Variants in REL observed in about 807,000 individuals in gnomAD.
The protein encoded by REL is proto-oncogene c-Rel.
REL carries 15 observed loss-of-function variants against 45.9 expected under a neutral mutation model. The observed-to-expected ratio is 0.33, with a 90% CI of 0.22 to 0.50. The LOEUF is 0.50. Ranked by LOEUF, REL falls within the 20% of genes least tolerant of loss-of-function variation. The pLI, the probability that REL is intolerant of heterozygous loss-of-function variation, is 0.98. For missense variants in REL, 601 were observed against 715.2 expected (o/e 0.84, Z 1.82); for synonymous variants, 239 against 242.1 (o/e 0.99, Z 0.12).
intron 1 of REL, among the ~76,000 whole-genome samples, chr2:60,888,962 CT>C (rs1673137481): frequency 6.6e-6 from 1 of 152,154 alleles, no homozygotes; most frequent in Non-Finnish European, 1.5e-5. Context: ...ACATTGCTTT[CT>C]TTTTTCTATC....
chr2:60,887,486 C>T (rs578253273), intron 1 of REL, among the ~76,000 whole-genome samples: 1 of 152,002 alleles, frequency 6.6e-6, no homozygotes, highest in East Asian at 2.0e-4. Flanking sequence ...ATGAGTTAAA[C>T]ACAATTTCTG....
chr2:60,921,929 C>T lies in REL; in HGVS notation c.1158C>T (p.Pro386=). Reference sequence around the variant, plus strand: ...CAAGCTGGTCATCAGTGGCCCACCCCACCCCACGCTCAGGCAATACAAACC... The same window carrying T: ...CAAGCTGGTCATCAGTGGCCCACCCTACCCCACGCTCAGGCAATACAAACC... ...PSSSWSSVAH[P]TPRSGNTNPL... The change falls in exon 10 of 10, where the codon CCC becomes CCT. Residue 386 remains proline (P), a synonymous_variant. Coordinates refer to ENST00000394479, the MANE Select transcript of REL (RefSeq NM_001291746.2). 1 of 1,614,136 alleles carries T rather than the reference C, an allele frequency of 6.2e-7. No individual in the cohort carries two copies. The highest frequency in any genetic ancestry group is 1.1e-5 in the South Asian group (1 of 91,076).
Position 60,918,399 on chromosome 2 carries a change from A to G in REL, c.646A>G (p.Ile216Val), listed in dbSNP as rs1472253129. 1.9e-6 allele frequency: 3 copies of G among 1,612,652 alleles called. No homozygotes were observed. Among genetic ancestry groups the G allele is most frequent in the Admixed American group, 3.3e-5 (2 of 59,842 alleles). The stretch of plus-strand genomic sequence containing the variant: ...TTTGGTTTCTTATTGACTAGATGAC[A>G]TAGAAGTTCGTTTTGTGTTGAACGA... ...LLCDKVQKDDIEVRFVLNDWE... is the reference protein window; with the variant it reads ...LLCDKVQKDDVEVRFVLNDWE... Residue 216 changes from isoleucine (I) to valine (V), a missense_variant, in exon 7 of 10, where the codon ATA (isoleucine) becomes GTA (valine). Physicochemically the swap from Ile to Val is conservative, Grantham distance 29. Transcript: ENST00000394479.
chr2:60,884,988 G>T (rs896341345), intron 1 of REL, among the ~76,000 whole-genome samples: 1 of 152,112 alleles, frequency 6.6e-6, no homozygotes, highest in Non-Finnish European at 1.5e-5. Context: ...ACATGAGCAT[G>T]AATGTTTCAG....
intron 4 of REL, among the ~76,000 whole-genome samples, chr2:60,903,172 G>A (rs1048307822): frequency 1.3e-5 from 2 of 152,176 alleles, no homozygotes; most frequent in Admixed American, 6.5e-5. Context: ...GGGAGTAAAC[G>A]TTAGTGCTTT....
At chr2:60,885,790 T>C (rs1673057908) in intron 1 of REL, among the ~76,000 whole-genome samples, 1 of 152,208 alleles carries the variant, frequency 6.6e-6, no homozygotes, top group Non-Finnish European at 1.5e-5. Context: ...AGACATGCAG[T>C]CTAGTCAGCT....
At chr2:60,891,957 T>C (rs1673226700) in intron 2 of REL, 132 bp downstream of exon 2, 4 of 870,124 alleles carry the variant, frequency 4.6e-6, no homozygotes, top group Non-Finnish European at 6.7e-6. Context: ...CCTTTTTTTT[T>C]TTAAACGGAT....
intron 4 of REL, among the ~76,000 whole-genome samples, chr2:60,907,974 G>A (rs951017645): frequency 2.0e-5 from 3 of 151,924 alleles, no homozygotes; most frequent in Non-Finnish European, 1.5e-5. Flanking sequence ...TTACAGGCTT[G>A]AGCCACCACG....
rs1674175762 is a variant in REL, at chr2:60,922,616, A to C, written c.*81A>C. The C allele has an allele frequency of 7.0e-7, 1 of 1,424,240 alleles. No homozygotes were observed. The highest frequency in any genetic ancestry group is 2.7e-5 in the Admixed American group (1 of 37,094). The allele number at this position is 1,424,240 out of a possible 1,614,324, so 88.2% of individuals were successfully genotyped here. ...TTGTATTTGTCTAACTGGGGATATA[A>C]TACTATATTTATACTGTATATATAA... On this transcript the variant is annotated 3_prime_UTR_variant, in exon 10 of 10. Coordinates refer to ENST00000394479, the MANE Select transcript of REL (RefSeq NM_001291746.2).
intron 4 of REL, among the ~76,000 whole-genome samples, chr2:60,905,818 A>G (rs1673630983): frequency 1.3e-5 from 2 of 152,190 alleles, no homozygotes; most frequent in African/African-American, 2.4e-5. Flanking sequence ...AAACATCTAG[A>G]TCAGTATTTC....
intron 4 of REL, among the ~76,000 whole-genome samples, chr2:60,907,974 G>C (rs951017645): frequency 2.0e-5 from 3 of 151,924 alleles, no homozygotes; most frequent in African/African-American, 7.3e-5. Flanking sequence ...TTACAGGCTT[G>C]AGCCACCACG....
chr2:60,900,836 C>G, intron 3 of REL, 156 bp from the exon 4 acceptor site: 1 of 661,600 alleles, frequency 1.5e-6, no homozygotes, highest in Non-Finnish European at 2.5e-6. Flanking sequence ...AATCCCACTT[C>G]TTACTCTCTC....
rs769147017 is a variant in REL, at chr2:60,924,508, C to T, written c.*1973C>T. The T allele has an allele frequency of 9.3e-6, 2 of 216,196 alleles. No individual in the cohort carries two copies. Among genetic ancestry groups the T allele is most frequent in the East Asian group, 1.4e-4 (2 of 14,488 alleles). 13.4% of individuals were successfully genotyped at this position (216,196 alleles called of 1,614,324 possible). A position where few individuals can be genotyped will look rare whatever the true frequency, so the allele number is the denominator to read the frequency against. On this transcript the variant is annotated 3_prime_UTR_variant, in exon 10 of 10. Coordinates refer to ENST00000394479, the MANE Select transcript of REL (RefSeq NM_001291746.2). ...ACATTGGGTTTATGAGAATCGTGTA[C>T]ATTCAAGTCCAGGAATAATAATGGT... is the stretch of plus-strand genomic sequence containing the variant.
Position 60,881,674 on chromosome 2 carries a change from GAGC to G in REL, c.-166_-164del. On this transcript the variant is annotated 5_prime_UTR_variant, in exon 1 of 10. Transcript: ENST00000394479. ...AAGAATTCAGGGGTTGGGAAGGTGT[GAGC>G]CGCAAACCCAGCGGAGGGCGGGAAG... The G allele has an allele frequency of 1.8e-6, 1 of 563,126 alleles. No individual in the cohort carries two copies. The highest frequency in any genetic ancestry group is 2.0e-5 in the South Asian group (1 of 48,972). The allele number at this position is 563,126 out of a possible 1,614,324, so 34.9% of individuals were successfully genotyped here. A position where few individuals can be genotyped will look rare whatever the true frequency, so the allele number is the denominator to read the frequency against.
Position 60,921,906 on chromosome 2 carries a change from A to C in REL, c.1135A>C (p.Ser379Arg), listed in dbSNP as rs1674150881. The C allele has an allele frequency of 2.5e-6, 4 of 1,614,090 alleles. No homozygotes were observed. Among genetic ancestry groups the C allele is most frequent in the Non-Finnish European group, 3.4e-6 (4 of 1,180,022 alleles). ...CTCAATGGCACCTCTGCCTTCTTCA[A>C]GCTGGTCATCAGTGGCCCACCCCAC... ...HASMAPLPSSSWSSVAHPTPR... is the reference protein window; with the variant it reads ...HASMAPLPSSRWSSVAHPTPR... The change falls in exon 10 of 10, where the codon AGC (serine) becomes CGC (arginine). Residue 379 changes from serine (S) to arginine (R), a missense_variant. Physicochemically the swap from Ser to Arg is moderately radical, Grantham distance 110. Around this residue, in one of 4 missense-constraint regions of REL, gnomAD observed 334 missense variants for 333.1 expected, o/e 1.00. Coordinates refer to ENST00000394479, the MANE Select transcript of REL (RefSeq NM_001291746.2).
intron 1 of REL, among the ~76,000 whole-genome samples, chr2:60,887,077 T>G (rs1157568388): frequency 6.6e-6 from 1 of 152,190 alleles, no homozygotes; most frequent in African/African-American, 2.4e-5. Context: ...ATTTCCTGAT[T>G]TATGTTTTAC....
Position 60,894,435 on chromosome 2 carries a change from A to G in REL, c.192A>G (p.Thr64=), listed in dbSNP as rs6729789. 4,113 of 1,586,002 alleles carry G rather than the reference A, an allele frequency of 2.6e-3. 90 individuals carry two copies. In the African/African-American group the frequency reaches 0.05, roughly 19 times the overall value. ...ATGGAAAAGGAAAAGTGAGAATTAC[A>G]TTAGTAACAAAGAATGACCCATATA... The part of the protein sequence containing the change: ...NYYGKGKVRI[T]LVTKNDPYKP... The change falls in exon 3 of 10, where the codon ACA becomes ACG. Residue 64 remains threonine (T), a synonymous_variant. Coordinates refer to ENST00000394479, the MANE Select transcript of REL (RefSeq NM_001291746.2).
At chr2:60,903,682 T>C (rs1673559309) in intron 4 of REL, among the ~76,000 whole-genome samples, 1 of 152,150 alleles carries the variant, frequency 6.6e-6, no homozygotes, top group Non-Finnish European at 1.5e-5. Context: ...TGTAGATGTA[T>C]ACTACGCCTG....
chr2:60,894,847 CTG>C (rs1425830279), intron 3 of REL, among the ~76,000 whole-genome samples: 7 of 142,692 alleles, frequency 4.9e-5, no homozygotes, highest in African/African-American at 1.8e-4. Context: ...ATTATTCACT[CTG>C]TCTTTTTTTT....
Sources: allele counts gnomAD v4.1 joint callset (sites outside exome capture counted in the v4.1 genomes callset), GRCh38; gene constraint gnomAD v4.1.1; regional missense constraint gnomAD v4.1.1; transcripts MANE v1.5; gene names NCBI Gene and HGNC (gene_info 2026-07-23, HGNC 2026-07-21).